The following TLE4 variants were observed in gnomAD, a reference collection of about 807,000 sequenced individuals.
TLE4 encodes the protein transducin-like enhancer protein 4.
Under a neutral mutation model 92.8 loss-of-function variants are expected in TLE4, and 8 were observed. That is an observed-to-expected ratio of 0.09 (90% CI 0.05 to 0.16). The LOEUF is 0.16. TLE4 is among the 10% of genes least tolerant of loss of function. The probability of loss-of-function intolerance (pLI) is 1.00; values close to 1 mark genes in which losing one functional copy is unlikely to be tolerated. For missense variants in TLE4, 675 were observed against 997.6 expected, an observed-to-expected ratio of 0.68 and a Z score of 4.36; for synonymous variants, 371 against 374.1, an observed-to-expected ratio of 0.99 and a Z score of 0.10.
At chr9:79,717,954 T>G (rs568847318) in intron 14 of TLE4, 16 of 456,398 alleles carry the variant, frequency 3.5e-5, no homozygotes, top group African/African-American at 3.0e-4. Context: ...AAAATAAAAA[T>G]GAGTCTGTTG....
chr9:79,705,824 T>G, intron 9 of TLE4, 65 bp from the exon 10 acceptor site: 2 of 1,507,582 alleles, frequency 1.3e-6, no homozygotes, highest in Non-Finnish European at 1.8e-6. Context: ...AGTCTGGACT[T>G]ACTTAGGGTA....
rs184768944 is a variant in TLE4, at chr9:79,611,172, A to T, written c.253-1484A>T. Among the ~76,000 whole-genome samples the T allele has an allele frequency of 3.9e-5, 6 of 152,192 alleles. No individual in the cohort carries two copies. The East Asian group carries it at 1.2e-3, about 29-fold the overall frequency. ...CATAACCACTGTGGTATGTTCGTCC[A>T]GGTGGAGAGTGGTTTGGTGATTCCC... is the stretch of plus-strand genomic sequence containing the variant. On this transcript the variant is annotated intron_variant, in intron 4 of 19. Transcript: ENST00000376552.
At chr9:79,631,172 A>T (rs1221257972) in intron 6 of TLE4, among the ~76,000 whole-genome samples, 1 of 152,214 alleles carries the variant, frequency 6.6e-6, no homozygotes, top group African/African-American at 2.4e-5. Flanking sequence ...TGTGAAGGCA[A>T]TAACAAGCCT....
intron 4 of TLE4, among the ~76,000 whole-genome samples, chr9:79,611,090 T>C (rs2048266256): frequency 6.6e-6 from 1 of 152,108 alleles, no homozygotes; most frequent in South Asian, 2.1e-4. Flanking sequence ...TGAGATGCTG[T>C]ACTTTCAGCC....
chr9:79,702,450 C>T (rs902576783), intron 8 of TLE4, among the ~76,000 whole-genome samples: 1 of 152,146 alleles, frequency 6.6e-6, no homozygotes, highest in Non-Finnish European at 1.5e-5. Context: ...TGAAAACCTA[C>T]TGAGTGCATT....
chr9:79,696,966 AG>A (rs1168922565), intron 8 of TLE4, among the ~76,000 whole-genome samples: 4 of 152,190 alleles, frequency 2.6e-5, no homozygotes, highest in Admixed American at 2.6e-4. Flanking sequence ...GTACCACATG[AG>A]ATTTGCCAGT....
intron 4 of TLE4, among the ~76,000 whole-genome samples, chr9:79,590,103 A>G (rs1440934282): frequency 2.6e-5 from 4 of 151,988 alleles, no homozygotes; most frequent in African/African-American, 9.7e-5. Flanking sequence ...AAGGCTTTTG[A>G]TTTTGCGGGG....
At chr9:79,659,909 G>T (rs922370796) in intron 8 of TLE4, among the ~76,000 whole-genome samples, 9 of 152,130 alleles carry the variant, frequency 5.9e-5, no homozygotes, top group Non-Finnish European at 1.2e-4. Context: ...CAAGGTTAAA[G>T]AATAGAAATA....
At chr9:79,612,839 A>G (rs2048668361) in intron 5 of TLE4, 121 bp downstream of exon 5, 1 of 812,412 alleles carries the variant, frequency 1.2e-6, no homozygotes, top group African/African-American at 1.7e-5. Context: ...TTTTATTTTC[A>G]TTTCTAAGAA....
chr9:79,628,856 GTTTAAT>G, intron 6 of TLE4, among the ~76,000 whole-genome samples: 1 of 148,704 alleles, frequency 6.7e-6, no homozygotes, highest in Middle Eastern at 3.2e-3. Context: ...GTTGAGAAAG[GTTTAAT>G]TTTAAAGTTA....
At chr9:79,636,161 A>G (rs987510035) in intron 6 of TLE4, among the ~76,000 whole-genome samples, 8 of 152,082 alleles carry the variant, frequency 5.3e-5, no homozygotes, top group African/African-American at 1.9e-4. Flanking sequence ...TTAAAGCCAC[A>G]GTGAGTGTGG....
chr9:79,654,880 A>T (rs2059551233), intron 8 of TLE4, among the ~76,000 whole-genome samples: 1 of 152,216 alleles, frequency 6.6e-6, no homozygotes, highest in Admixed American at 6.5e-5. Context: ...TTGGTGGTTC[A>T]TGCCTGTAAT....
intron 8 of TLE4, among the ~76,000 whole-genome samples, chr9:79,675,604 C>T (rs1421443216): frequency 1.3e-5 from 2 of 152,260 alleles, no homozygotes; most frequent in East Asian, 3.9e-4. Context: ...TCAGTATATC[C>T]TTAAAATCCA....
chr9:79,612,936 T>A (rs540425479), intron 5 of TLE4, among the ~76,000 whole-genome samples: 8 of 152,272 alleles, frequency 5.3e-5, no homozygotes, highest in Admixed American at 5.2e-4. Context: ...TATTTTCTAG[T>A]TGGGCTAAGC....
chr9:79,631,829 A>G (rs1301193101), intron 6 of TLE4, among the ~76,000 whole-genome samples: 4 of 151,238 alleles, frequency 2.6e-5, no homozygotes, highest in African/African-American at 9.7e-5. Context: ...CAGTTTAGCC[A>G]TTAGGCAGAA....
Position 79,625,014 on chromosome 9 carries a change from C to CTTTT in TLE4, c.316-2340_316-2337dup, listed in dbSNP as rs34968887. Among the ~76,000 whole-genome samples the CTTTT allele has an allele frequency of 2.2e-3, 175 of 79,934 alleles. 4 individuals carry two copies. Among genetic ancestry groups the CTTTT allele is most frequent in the East Asian group, 2.5e-3 (6 of 2,426 alleles). 52.4% of individuals were successfully genotyped at this position (79,934 alleles called of 152,430 possible). On this transcript the variant is annotated intron_variant, in intron 5 of 19. Transcript: ENST00000376552. ...AGTTTCTTTTAAATCTATTTCTTTT[C>CTTTT]TTTTTTTTTTTTTTTTTTTTTTTGA...
chr9:79,703,925 CT>C (rs1219862659), intron 8 of TLE4, among the ~76,000 whole-genome samples: 19 of 152,082 alleles, frequency 1.2e-4, no homozygotes, highest in Admixed American at 6.5e-4. Flanking sequence ...CCCAAAATTA[CT>C]TTCCCCCCTT....
At chr9:79,627,746 A>C in intron 6 of TLE4, 1 of 322,664 alleles carries the variant, frequency 3.1e-6, no homozygotes. Context: ...TAGGCCAAAA[A>C]AAAAAAGAGA....
At chr9:79,672,050 GA>G (rs1389846428) in intron 8 of TLE4, among the ~76,000 whole-genome samples, 3 of 131,958 alleles carry the variant, frequency 2.3e-5, no homozygotes, top group Non-Finnish European at 3.1e-5. Context: ...GGGGAGGGGG[GA>G]TGCCCTTTCA....
Sources: allele counts gnomAD v4.1 joint callset (sites outside exome capture counted in the v4.1 genomes callset), GRCh38; gene constraint gnomAD v4.1.1; transcripts MANE v1.5; gene names NCBI Gene and HGNC (gene_info 2026-07-23, HGNC 2026-07-21).